The following C16orf96 variants were observed in gnomAD, a reference collection of about 807,000 sequenced individuals.
The protein encoded by C16orf96 is chromosome 16 open reading frame 96.
In C16orf96, 108 loss-of-function variants were observed where a neutral mutation model predicts 103.6. That is an observed-to-expected ratio of 1.04 (90% CI 0.89 to 1.22). The LOEUF (loss-of-function observed/expected upper bound fraction) is 1.22. Among genes scored for constraint, C16orf96 ranks in the 50% most tolerant of loss-of-function variants. The pLI is 0.00. For synonymous variants in C16orf96, 566 were observed against 593.5 expected (o/e 0.95, Z 0.67); for missense variants, 1,586 against 1,464.2 (o/e 1.08, Z -1.36).
At chr16:4,552,834 G>A (rs919367631), upstream of C16orf96, among the ~76,000 whole-genome samples, 24 of 152,180 alleles carry the variant, frequency 1.6e-4, no homozygotes, top group Non-Finnish European at 2.6e-4. Context: ...GGTGTTGCCA[G>A]AACTTCACAT....
At position 4,591,687 on chromosome 16, in the gene C16orf96, C is replaced by T. The variant is rs1322712222; in HGVS notation, c.2614C>T (p.Pro872Ser). Residue 872 changes from proline (P) to serine (S), a missense_variant, in exon 10 of 16, where the codon CCC (proline) becomes TCC (serine). Pro to Ser is a moderately conservative substitution (Grantham distance 74). Transcript: ENST00000444310. ...NTKLVHSDLD[P>S]LKKEMEEVWK... Reference sequence around the variant, plus strand: ...GCAGTTAGTCCACAGTGATCTGGATCCCTTGAAGAAAGAAATGGAAGAGGT... The same window carrying T: ...GCAGTTAGTCCACAGTGATCTGGATTCCTTGAAGAAAGAAATGGAAGAGGT... 3 of 1,551,430 alleles carry T rather than the reference C, an allele frequency of 1.9e-6. No homozygotes were observed. Among genetic ancestry groups the T allele is most frequent in the Non-Finnish European group, 2.6e-6 (3 of 1,146,908 alleles).
intron 2 of C16orf96, among the ~76,000 whole-genome samples, chr16:4,573,438 CAAAAA>C (rs71139644): frequency 1.4e-5 from 1 of 69,710 alleles, no homozygotes; most frequent in East Asian, 4.3e-4. Flanking sequence ...GACTCCGTCT[CAAAAA>C]AAAAAAAAAA....
chr16:4,600,103 TG>T lies in C16orf96; in HGVS notation c.3213del (p.Cys1072AlafsTer15), dbSNP rs1567138996. 2.6e-6 allele frequency: 4 copies of T among 1,551,208 alleles called. No homozygotes were observed. The Admixed American group carries it at 7.8e-5, about 30-fold the overall frequency. On this transcript the variant is annotated frameshift_variant, in exon 16 of 16. Coordinates refer to ENST00000444310, the MANE Select transcript of C16orf96 (RefSeq NM_001145011.2). LOFTEE classifies it low-confidence loss of function (END_TRUNC). Reference protein sequence around the residue: ...SALFGAICPPLCPRSSACSAA... With the variant: ...SALFGAICPPXCPRSSACSAA... ...GGTTTCTCCTGCCCCTCCCCAGCCC[TG>T]TGCCCCCGCTCCAGTGCCTGCTCAG...
At chr16:4,554,499 C>T (rs371396881), upstream of C16orf96, among the ~76,000 whole-genome samples, 144 of 151,730 alleles carry the variant, frequency 9.5e-4, no homozygotes, top group African/African-American at 3.3e-3. Flanking sequence ...TACAGGCACC[C>T]GCCACCATGC....
At chr16:4,596,847 T>A (rs1443134436) in intron 14 of C16orf96, among the ~76,000 whole-genome samples, 2 of 151,834 alleles carry the variant, frequency 1.3e-5, no homozygotes, top group Admixed American at 1.3e-4. Context: ...TTGAGGAGGG[T>A]CCCTCCCTGT....
intron 7 of C16orf96, among the ~76,000 whole-genome samples, chr16:4,580,414 A>G (rs1024582743): frequency 6.7e-6 from 1 of 149,892 alleles, no homozygotes; most frequent in African/African-American, 2.5e-5. Context: ...GCTCCATCAC[A>G]TTTGCTGAAT....
intron 1 of C16orf96, among the ~76,000 whole-genome samples, chr16:4,570,150 T>G (rs1378817567): frequency 1.3e-5 from 2 of 152,162 alleles, no homozygotes; most frequent in Non-Finnish European, 2.9e-5. Context: ...GATCTCACTA[T>G]GTTGCCCAGG....
Position 4,571,562 on chromosome 16 carries a change from C to G in C16orf96, c.422C>G (p.Ser141Ter). 6.4e-7 allele frequency: 1 copy of G among 1,551,698 alleles called. No individual in the cohort carries two copies. Among genetic ancestry groups the G allele is most frequent in the African/African-American group, 1.4e-5 (1 of 73,172 alleles). ...VEGHDEVMAK[S>*]MQTLQDLLTD... Reference sequence around the variant, plus strand: ...ACATTTTCTCCTCCTCTTTTGCAGTCAATGCAGACCCTGCAGGACTTGCTC... The same window carrying G: ...ACATTTTCTCCTCCTCTTTTGCAGTGAATGCAGACCCTGCAGGACTTGCTC... Residue 141 changes from serine (S) to a stop codon, truncating the protein, a stop_gained and splice_region_variant, in exon 2 of 16, where the codon TCA (serine) becomes TGA (stop). Coordinates refer to ENST00000444310, the MANE Select transcript of C16orf96 (RefSeq NM_001145011.2). LOFTEE classifies it high-confidence loss of function.
intron 10 of C16orf96, among the ~76,000 whole-genome samples, chr16:4,592,083 C>G (rs1212550060): frequency 6.6e-6 from 1 of 152,226 alleles, no homozygotes; most frequent in African/African-American, 2.4e-5. Context: ...ATTTATGGGG[C>G]TCCTGTCCTC....
chr16:4,591,612 C>A, intron 9 of C16orf96, 54 bp from the exon 10 acceptor site: 1 of 1,401,578 alleles, frequency 7.1e-7, no homozygotes, highest in Non-Finnish European at 9.9e-7. Flanking sequence ...TGGAAGGAGG[C>A]AGGGTGTGAA....
At chr16:4,550,888 T>G in the C16orf96 span, among the ~76,000 whole-genome samples, 1 of 152,240 alleles carries the variant, frequency 6.6e-6, no homozygotes, top group South Asian at 2.1e-4. Flanking sequence ...AGGAGCCCAC[T>G]GGAGCTGAGC....
At chr16:4,594,561 A>T in intron 13 of C16orf96, 51 bp downstream of exon 13, 1 of 1,543,798 alleles carries the variant, frequency 6.5e-7, no homozygotes, top group Non-Finnish European at 8.8e-7. Context: ...AGCGCACCCC[A>T]GCCCCAGGTG....
rs946699071 is a variant in C16orf96 at position 4,593,983 on chromosome 16, G to A, written c.2868-368G>A. ...CTGCTGTGGGGACGTCTGGCCAGGTGGGGGAAGAACCGGTGAATCGTCACC... is the reference window on the plus strand; with the variant it reads ...CTGCTGTGGGGACGTCTGGCCAGGTAGGGGAAGAACCGGTGAATCGTCACC... On this transcript the variant is annotated intron_variant, in intron 12 of 15. Transcript: ENST00000444310. This position sits in a 1 kb window ranked among gnomAD's most constrained non-coding sequence, Gnocchi z 4.2. 1.3e-5 allele frequency among the ~76,000 whole-genome samples: 2 copies of A among 152,158 alleles called. No homozygotes were observed. Among genetic ancestry groups the A allele is most frequent in the Non-Finnish European group, 2.9e-5 (2 of 68,014 alleles).
intron 7 of C16orf96, among the ~76,000 whole-genome samples, chr16:4,586,017 T>C (rs1054096709): frequency 6.6e-6 from 1 of 152,100 alleles, no homozygotes; most frequent in Non-Finnish European, 1.5e-5. Context: ...CCCAGCACTT[T>C]GGGAGGCTGA....
intron 14 of C16orf96, among the ~76,000 whole-genome samples, chr16:4,598,029 T>G (rs1897209734): frequency 6.6e-6 from 1 of 152,030 alleles, no homozygotes. Flanking sequence ...TGTCACTCAT[T>G]TATTTCCCCA....
intron 1 of C16orf96, among the ~76,000 whole-genome samples, chr16:4,558,279 A>T (rs2059288482): frequency 1.3e-5 from 2 of 152,222 alleles, no homozygotes; most frequent in Non-Finnish European, 2.9e-5. Context: ...CCCGACCAGC[A>T]CGTGGACAGT....
intron 1 of C16orf96, among the ~76,000 whole-genome samples, chr16:4,558,913 C>CAAAA (rs771691344): frequency 3.9e-5 from 2 of 51,382 alleles, no homozygotes; most frequent in African/African-American, 1.2e-4. Context: ...GACTCTGTCT[C>CAAAA]AAAAAAAAAA....
At chr16:4,580,701 C>T (rs751714052) in intron 7 of C16orf96, among the ~76,000 whole-genome samples, 1 of 151,912 alleles carries the variant, frequency 6.6e-6, no homozygotes, top group Non-Finnish European at 1.5e-5. Context: ...AAAAATTTAG[C>T]TGGGACTGGG....
chr16:4,551,869 C>T (rs2059230063), upstream of C16orf96, among the ~76,000 whole-genome samples: 1 of 152,126 alleles, frequency 6.6e-6, no homozygotes, highest in Non-Finnish European at 1.5e-5. Flanking sequence ...GTTTTAAGCC[C>T]TGCCTGCATT....
Sources: gnomAD v4.1 joint callset for allele counts (sites outside exome capture counted in the v4.1 genomes callset) on GRCh38, gnomAD v4.1.1 for gene constraint, Gnocchi (gnomAD v3.1) non-coding constraint, MANE v1.5 for transcripts, NCBI Gene and HGNC (gene_info 2026-07-23, HGNC 2026-07-21) for gene names.